CDH13: variants seen among roughly 807,000 people sequenced by gnomAD.
The protein encoded by CDH13 is cadherin 13.
CDH13 carries 24 observed loss-of-function variants against 63.8 expected under a neutral mutation model. The ratio of observed to expected loss-of-function variants is 0.38; its 90% CI spans 0.27 to 0.53. The LOEUF (loss-of-function observed/expected upper bound fraction) is 0.53, where lower values mean the gene tolerates loss of function less well. Among genes scored for constraint, CDH13 ranks in the 20% least tolerant of loss-of-function variants. The pLI is 0.85. For missense variants in CDH13, 1,049 were observed against 903.1 expected, an observed-to-expected ratio of 1.16 and a Z score of -2.07; for synonymous variants, 503 against 355.3, an observed-to-expected ratio of 1.42 and a Z score of -4.67.
intron 6 of CDH13, among the ~76,000 whole-genome samples, chr16:83,378,334 C>T (rs2091493671): frequency 6.6e-6 from 1 of 152,340 alleles, no homozygotes; most frequent in South Asian, 2.1e-4. Context: ...CACATGTGGC[C>T]TCCTGTTCAG....
rs113652040 is a variant in CDH13, at chr16:83,124,335, C to G, written c.367-1050C>G. ...TGCTGGGATTATAGGTGTGAGCCAC[C>G]GCACCCGGCCTACCCACTTTTAATT... is the stretch of plus-strand genomic sequence containing the variant. On this transcript the variant is annotated intron_variant, in intron 3 of 13. Transcript: ENST00000567109. Among the ~76,000 whole-genome samples the G allele has an allele frequency of 7.2e-5, 11 of 152,240 alleles. 1 individual carries two copies. The highest frequency in any genetic ancestry group is 2.6e-4 in the African/African-American group (11 of 41,532).
intron 2 of CDH13, among the ~76,000 whole-genome samples, chr16:82,997,530 C>T (rs1597379695): frequency 6.6e-6 from 1 of 152,126 alleles, no homozygotes; most frequent in South Asian, 2.1e-4. Flanking sequence ...AGGTTCTGTA[C>T]ATGCACAATA....
intron 1 of CDH13, among the ~76,000 whole-genome samples, chr16:82,711,243 C>T (rs912066232): frequency 2.6e-5 from 4 of 152,150 alleles, no homozygotes; most frequent in Non-Finnish European, 5.9e-5. Context: ...ATGAAAGATT[C>T]TGTTTCATCT....
intron 3 of CDH13, among the ~76,000 whole-genome samples, chr16:83,044,062 C>T (rs1397178979): frequency 1.3e-5 from 2 of 152,176 alleles, no homozygotes; most frequent in African/African-American, 4.8e-5. Context: ...TGGAAAGGAT[C>T]ATTCACTGAG....
intron 3 of CDH13, among the ~76,000 whole-genome samples, chr16:83,106,099 C>T (rs969633523): frequency 6.6e-6 from 1 of 152,212 alleles, no homozygotes; most frequent in Non-Finnish European, 1.5e-5. Flanking sequence ...TTAAAATGTT[C>T]ATAACCTTTG....
At chr16:83,233,657 C>T (rs112449773) in intron 5 of CDH13, among the ~76,000 whole-genome samples, 1 of 152,186 alleles carries the variant, frequency 6.6e-6, no homozygotes, top group African/African-American at 2.4e-5. Context: ...GCAATGGAAG[C>T]AGCTCCTTTC....
chr16:83,779,722 G>A (rs1915386655), intron 11 of CDH13, among the ~76,000 whole-genome samples: 1 of 152,062 alleles, frequency 6.6e-6, no homozygotes, highest in Non-Finnish European at 1.5e-5. Flanking sequence ...GCCAGGTGTG[G>A]TGGCGTGCAC....
At chr16:83,131,475 C>A (rs28723653) in intron 4 of CDH13, among the ~76,000 whole-genome samples, 16 of 152,224 alleles carry the variant, frequency 1.1e-4, no homozygotes, top group African/African-American at 2.9e-4. Context: ...TTCCCCTCCC[C>A]CTTCAAAGTA....
chr16:82,841,349 A>C (rs762983504), intron 1 of CDH13, among the ~76,000 whole-genome samples: 2 of 152,200 alleles, frequency 1.3e-5, no homozygotes, highest in Non-Finnish European at 2.9e-5. Context: ...GTGTTTAACT[A>C]TCATGGGAGA....
intron 6 of CDH13, among the ~76,000 whole-genome samples, chr16:83,443,131 T>A (rs1020410588): frequency 6.6e-6 from 1 of 152,212 alleles, no homozygotes; most frequent in Non-Finnish European, 1.5e-5. Context: ...AAAATACTTA[T>A]CACCTTCCAT....
At chr16:83,497,420 CA>C (rs1273491187) in intron 7 of CDH13, among the ~76,000 whole-genome samples, 2 of 149,350 alleles carry the variant, frequency 1.3e-5, no homozygotes, top group Non-Finnish European at 3.0e-5. Flanking sequence ...AACAAAAAAC[CA>C]AACACCGCAT....
rs991900538 is a variant in CDH13 at position 83,486,380 on chromosome 16, C to T, written c.782-97C>T. 20 of 905,022 alleles carry T rather than the reference C, an allele frequency of 2.2e-5. No individual in the cohort carries two copies. The African/African-American group carries it at 2.8e-4, about 13-fold the overall frequency. The allele number at this position is 905,022 out of a possible 1,614,324, so 56.1% of individuals were successfully genotyped here. A position where few individuals can be genotyped will look rare whatever the true frequency, so the allele number is the denominator to read the frequency against. On this transcript the variant is annotated intron_variant, in intron 6 of 13. Coordinates refer to ENST00000567109, the MANE Select transcript of CDH13 (RefSeq NM_001257.5). ...CTTTTTTAATTTGGAAAGTGATGGG[C>T]ACACTGCTGCACTGCTATTGCCCAG...
At chr16:83,719,667 T>C (rs1044935789) in intron 10 of CDH13, among the ~76,000 whole-genome samples, 2 of 152,120 alleles carry the variant, frequency 1.3e-5, no homozygotes, top group Non-Finnish European at 1.5e-5. Flanking sequence ...CGCTAGGAGG[T>C]ATGCACGGTT....
chr16:83,680,474 C>G (rs1915316703), intron 10 of CDH13, among the ~76,000 whole-genome samples: 7 of 152,032 alleles, frequency 4.6e-5, no homozygotes, highest in Admixed American at 4.6e-4. Flanking sequence ...GAACAGGATT[C>G]CAGCCTGGGG....
At chr16:83,040,387 C>A (rs773505561) in intron 3 of CDH13, among the ~76,000 whole-genome samples, 1 of 152,212 alleles carries the variant, frequency 6.6e-6, no homozygotes, top group African/African-American at 2.4e-5. Flanking sequence ...GGAAGTCAGT[C>A]TGAGTCACAA....
At chr16:83,539,996 C>A (rs995955942) in intron 7 of CDH13, among the ~76,000 whole-genome samples, 3 of 151,906 alleles carry the variant, frequency 2.0e-5, no homozygotes, top group Non-Finnish European at 4.4e-5. Context: ...GCTTCTGAAT[C>A]TCTGCTAATT....
chr16:83,007,643 A>C (rs1036632265), intron 2 of CDH13, among the ~76,000 whole-genome samples: 1 of 152,088 alleles, frequency 6.6e-6, no homozygotes, highest in African/African-American at 2.4e-5. Flanking sequence ...CAGCCTAGGC[A>C]GCATGGCAAA....
chr16:83,390,802 A>G (rs1310530037), intron 6 of CDH13, among the ~76,000 whole-genome samples: 1 of 152,200 alleles, frequency 6.6e-6, no homozygotes, highest in Non-Finnish European at 1.5e-5. Context: ...ATATTTATTC[A>G]GCCGAGGTAG....
At chr16:82,782,637 A>C (rs2035816500) in intron 1 of CDH13, among the ~76,000 whole-genome samples, 1 of 152,220 alleles carries the variant, frequency 6.6e-6, no homozygotes, top group African/African-American at 2.4e-5. Flanking sequence ...AGACAGATCA[A>C]AATGCAGACT....
Sources: allele counts gnomAD v4.1 joint callset (sites outside exome capture counted in the v4.1 genomes callset), GRCh38; gene constraint gnomAD v4.1.1; transcripts MANE v1.5; gene names NCBI Gene and HGNC (gene_info 2026-07-23, HGNC 2026-07-21).